Variants in PLAAT1 observed in about 807,000 individuals in gnomAD.
PLAAT1 encodes the protein phospholipase A and acyltransferase 1.
Under a neutral mutation model 16.4 loss-of-function variants are expected in PLAAT1, and 13 were observed. The observed-to-expected ratio is 0.79, with a 90% CI of 0.52 to 1.26. The LOEUF (loss-of-function observed/expected upper bound fraction) is 1.26. Among genes scored for constraint, PLAAT1 ranks in the 50% most tolerant of loss-of-function variants. The pLI is 0.00. For synonymous variants in PLAAT1, 73 were observed against 78.4 expected (o/e 0.93, Z 0.36); for missense variants, 218 against 207.8 (o/e 1.05, Z -0.30).
chr3:193,263,426 A>G (rs1176681976), intron 3 of PLAAT1, among the ~76,000 whole-genome samples, 191 bp downstream of exon 3: 1 of 152,220 alleles, frequency 6.6e-6, no homozygotes, highest in African/African-American at 2.4e-5. Context: ...CATGAATATT[A>G]TGAATTTTGA....
chr3:193,272,942 G>C (rs1717032477), downstream of PLAAT1, among the ~76,000 whole-genome samples: 1 of 152,122 alleles, frequency 6.6e-6, no homozygotes, highest in African/African-American at 2.4e-5. Context: ...TTTATGAAAT[G>C]ATTTTCCCAA....
At chr3:193,263,947 TA>T (rs1204699532) in intron 3 of PLAAT1, among the ~76,000 whole-genome samples, 2 of 152,140 alleles carry the variant, frequency 1.3e-5, no homozygotes, top group African/African-American at 4.8e-5. Flanking sequence ...ATTAAGGTGA[TA>T]AAAGAGAATG....
intron 3 of PLAAT1, among the ~76,000 whole-genome samples, chr3:193,264,900 T>C (rs1716725957): frequency 2.0e-5 from 3 of 152,226 alleles, no homozygotes; most frequent in Admixed American, 2.0e-4. Context: ...GGACTCTTTT[T>C]AGATACGTAT....
rs1004675154 is a variant in PLAAT1, at chr3:193,241,314, C to A, written c.-220C>A. 1.6e-6 allele frequency: 2 copies of A among 1,231,144 alleles called. No homozygotes were observed. Among genetic ancestry groups the A allele is most frequent in the Non-Finnish European group, 2.0e-6 (2 of 987,586 alleles). The allele number at this position is 1,231,144 out of a possible 1,614,324, so 76.3% of individuals were successfully genotyped here. ...GGGCGTCTCAGAGCCGCGGAGGGGC[C>A]GCCGGGACCGTTTCAGCGTGGCGGC... On this transcript the variant is annotated 5_prime_UTR_variant, in exon 1 of 4. Transcript: ENST00000264735.
intron 3 of PLAAT1, among the ~76,000 whole-genome samples, chr3:193,265,844 T>C (rs1299049565): frequency 6.6e-6 from 1 of 152,206 alleles, no homozygotes; most frequent in South Asian, 2.1e-4. Flanking sequence ...CTGCTCACTT[T>C]TGCGTTGAAA....
intron 1 of PLAAT1, among the ~76,000 whole-genome samples, chr3:193,245,088 T>G (rs974812059): frequency 1.3e-5 from 2 of 152,224 alleles, no homozygotes; most frequent in African/African-American, 2.4e-5. Context: ...TCTTGAAATA[T>G]GCAGTACATT....
chr3:193,248,427 A>G (rs1161480161), intron 1 of PLAAT1, among the ~76,000 whole-genome samples: 1 of 152,100 alleles, frequency 6.6e-6, no homozygotes, highest in Admixed American at 6.5e-5. Context: ...AATTATTGGT[A>G]GGTAAGAACT....
intron 3 of PLAAT1, among the ~76,000 whole-genome samples, chr3:193,264,511 C>CTTCT (rs1716707337): frequency 2.0e-5 from 3 of 147,868 alleles, no homozygotes; most frequent in Non-Finnish European, 4.5e-5. Context: ...TCTTCTTCTT[C>CTTCT]TTTTTTTTTT....
At chr3:193,241,220 T>C, upstream of PLAAT1, 1 of 1,223,604 alleles carries the variant, frequency 8.2e-7, no homozygotes, top group Non-Finnish European at 1.0e-6. Context: ...CGGCTCCCCA[T>C]GGTCAGAGCC....
intron 2 of PLAAT1, among the ~76,000 whole-genome samples, chr3:193,275,993 C>T (rs1228245596): frequency 6.6e-6 from 1 of 152,100 alleles, no homozygotes. Flanking sequence ...CTCAACAACA[C>T]TTAAGTTGAA....
At chr3:193,264,314 T>G (rs1214978354) in intron 3 of PLAAT1, among the ~76,000 whole-genome samples, 2 of 152,180 alleles carry the variant, frequency 1.3e-5, no homozygotes, top group Non-Finnish European at 2.9e-5. Context: ...GAGCCTAATT[T>G]TTCAAAATCC....
chr3:193,255,404 G>A (rs1432110680), intron 1 of PLAAT1, among the ~76,000 whole-genome samples: 1 of 152,146 alleles, frequency 6.6e-6, no homozygotes. Context: ...CTCTGAAATT[G>A]ATCGGGATGA....
At chr3:193,275,142 A>G (rs755279570), downstream of PLAAT1, 3 of 1,614,150 alleles carry the variant, frequency 1.9e-6, no homozygotes, top group Middle Eastern at 1.6e-4. Context: ...GTTGATGTAG[A>G]ATCCATTTTT....
At chr3:193,271,179 A>G (rs1315500337), downstream of PLAAT1, among the ~76,000 whole-genome samples, 2 of 152,132 alleles carry the variant, frequency 1.3e-5, no homozygotes, top group East Asian at 3.9e-4. Context: ...GAGGGACTCT[A>G]ATTTACAAGC....
At chr3:193,252,079 G>A (rs564432771) in intron 1 of PLAAT1, among the ~76,000 whole-genome samples, 16 of 152,160 alleles carry the variant, frequency 1.1e-4, no homozygotes, top group Non-Finnish European at 1.5e-4. Flanking sequence ...TCCATAGGGC[G>A]TACAGGATGC....
At chr3:193,280,886 C>T (rs930448045), downstream of PLAAT1, among the ~76,000 whole-genome samples, 2 of 152,090 alleles carry the variant, frequency 1.3e-5, no homozygotes, top group Non-Finnish European at 2.9e-5. Context: ...CTACTCCTCC[C>T]ACCCCCAACT....
chr3:193,246,232 A>G (rs1005326040), intron 1 of PLAAT1, among the ~76,000 whole-genome samples: 5 of 151,980 alleles, frequency 3.3e-5, no homozygotes, highest in African/African-American at 7.3e-5. Flanking sequence ...CATTCTTTCT[A>G]TGCCTATTTT....
downstream of PLAAT1, chr3:193,275,323 A>G (rs201359488): frequency 1.3e-3 from 2,145 of 1,609,752 alleles, 31 homozygotes; most frequent in South Asian, 0.018. Flanking sequence ...AGATGGGAAA[A>G]CAATCAATTT....
intron 2 of PLAAT1, among the ~76,000 whole-genome samples, chr3:193,258,383 C>T (rs1716456665): frequency 6.6e-6 from 1 of 151,898 alleles, no homozygotes; most frequent in African/African-American, 2.4e-5. Context: ...CAACCCCAAG[C>T]TAGCAGGACA....
Sources: allele counts gnomAD v4.1 joint callset (sites outside exome capture counted in the v4.1 genomes callset), GRCh38; gene constraint gnomAD v4.1.1; transcripts MANE v1.5; gene names NCBI Gene and HGNC (gene_info 2026-07-23, HGNC 2026-07-21).